The following LINGO2 variants were observed in gnomAD, a reference collection of about 807,000 sequenced individuals.
LINGO2 encodes leucine-rich repeat and immunoglobulin-like domain-containing nogo receptor-interacting protein 2.
Under a neutral mutation model 30.6 loss-of-function variants are expected in LINGO2, and 14 were observed. That is an observed-to-expected ratio of 0.46 (90% CI 0.30 to 0.72). LINGO2 has a LOEUF of 0.72. LINGO2 is among the 30% of genes least tolerant of loss of function. LINGO2 has a pLI of 0.07. For synonymous variants in LINGO2, 317 were observed against 288.5 expected (o/e 1.10, Z -1.00); for missense variants, 729 against 751.7 (o/e 0.97, Z 0.35).
At chr9:29,181,853 A>T in the LINGO2 span, among the ~76,000 whole-genome samples, 1 of 152,216 alleles carries the variant, frequency 6.6e-6, no homozygotes. Context: ...CATAGACAAC[A>T]AAAGAAAAAC....
intron 3 of LINGO2, among the ~76,000 whole-genome samples, chr9:28,325,159 A>G (rs890639275): frequency 6.7e-6 from 1 of 149,662 alleles, no homozygotes; most frequent in African/African-American, 2.4e-5. Context: ...TAAACTTTAG[A>G]CAGGTTTGTT....
intron 4 of LINGO2, among the ~76,000 whole-genome samples, chr9:28,016,543 T>A (rs946283370): frequency 6.6e-6 from 1 of 151,978 alleles, no homozygotes; most frequent in Non-Finnish European, 1.5e-5. Flanking sequence ...CCTAAGAGAC[T>A]ACTATGAACA....
At chr9:28,803,729 T>C in the LINGO2 span, among the ~76,000 whole-genome samples, 1 of 151,968 alleles carries the variant, frequency 6.6e-6, no homozygotes, top group Non-Finnish European at 1.5e-5. Flanking sequence ...ATAATAGCCA[T>C]GTAAAAATCA....
the LINGO2 span, among the ~76,000 whole-genome samples, chr9:28,815,763 G>A: frequency 2.0e-5 from 3 of 152,098 alleles, no homozygotes; most frequent in Non-Finnish European, 2.9e-5. Context: ...TATAAGACTT[G>A]TTTCTAAGTG....
At chr9:29,046,882 C>A in the LINGO2 span, among the ~76,000 whole-genome samples, 1 of 151,900 alleles carries the variant, frequency 6.6e-6, no homozygotes, top group African/African-American at 2.4e-5. Flanking sequence ...AGTTTGAGAC[C>A]AGCCTGGTCA....
intron 2 of LINGO2, among the ~76,000 whole-genome samples, chr9:28,409,885 A>G (rs62555172): frequency 0.38 from 35,565 of 93,216 alleles, 6,576 homozygotes; most frequent in Non-Finnish European, 0.52. Flanking sequence ...AGAGAGGGAG[A>G]AAGGCAGGGA....
At chr9:28,349,131 G>A (rs1024441020) in intron 3 of LINGO2, among the ~76,000 whole-genome samples, 18 of 152,174 alleles carry the variant, frequency 1.2e-4, no homozygotes, top group African/African-American at 3.4e-4. Flanking sequence ...CACTAGCAAC[G>A]GAACAAAGCT....
chr9:28,501,056 T>A (rs1004847159), intron 1 of LINGO2, among the ~76,000 whole-genome samples: 11 of 152,124 alleles, frequency 7.2e-5, no homozygotes, highest in African/African-American at 2.7e-4. Flanking sequence ...CTGCAGGTCC[T>A]TTCTGAAAAT....
At chr9:28,235,452 A>C (rs1821527799) in intron 4 of LINGO2, among the ~76,000 whole-genome samples, 1 of 152,164 alleles carries the variant, frequency 6.6e-6, no homozygotes, top group African/African-American at 2.4e-5. Flanking sequence ...ATCTATAAGC[A>C]TCAACACTAT....
the LINGO2 span, among the ~76,000 whole-genome samples, chr9:29,176,412 G>A: frequency 6.6e-6 from 1 of 152,142 alleles, no homozygotes; most frequent in African/African-American, 2.4e-5. Flanking sequence ...AAGGACATGT[G>A]TTTCCCTCCC....
intron 4 of LINGO2, among the ~76,000 whole-genome samples, chr9:28,246,078 G>A (rs1821987724): frequency 1.3e-5 from 2 of 152,070 alleles, no homozygotes; most frequent in Admixed American, 1.3e-4. Context: ...AAACACTATG[G>A]TACTGGTACC....
At chr9:28,709,458 C>G in the LINGO2 span, among the ~76,000 whole-genome samples, 2 of 151,956 alleles carry the variant, frequency 1.3e-5, no homozygotes, top group Admixed American at 1.3e-4. Context: ...TGTATGTTTA[C>G]TTTGGATGTA....
intron 3 of LINGO2, among the ~76,000 whole-genome samples, chr9:28,311,791 T>C (rs1239270862): frequency 6.6e-6 from 1 of 152,148 alleles, no homozygotes; most frequent in Non-Finnish European, 1.5e-5. Flanking sequence ...TGAGGCAACA[T>C]ACATCCCCCT....
the LINGO2 span, among the ~76,000 whole-genome samples, chr9:28,699,494 C>G: frequency 1.3e-5 from 2 of 151,958 alleles, no homozygotes; most frequent in African/African-American, 4.8e-5. Context: ...GTTAACTGTA[C>G]AAATTGATTG....
exon 6 of LINGO2, chr9:27,948,692 TG>T: frequency 1.2e-6 from 1 of 803,690 alleles, no homozygotes; most frequent in Non-Finnish European, 2.0e-6. Flanking sequence ...TGCCTTTCGA[TG>T]GAGAGTCTCC....
chr9:28,638,420 T>C (rs1827393570), intron 1 of LINGO2, among the ~76,000 whole-genome samples: 1 of 152,180 alleles, frequency 6.6e-6, no homozygotes. Context: ...GTACCTCTGG[T>C]AGAATTTCAC....
At chr9:28,285,385 G>A (rs939372767) in intron 4 of LINGO2, among the ~76,000 whole-genome samples, 19 of 144,844 alleles carry the variant, frequency 1.3e-4, no homozygotes, top group African/African-American at 4.8e-4. Context: ...GAGAGGACAC[G>A]TTGCCCAAGA....
At chr9:28,577,184 A>C (rs954015140) in intron 1 of LINGO2, among the ~76,000 whole-genome samples, 1 of 152,202 alleles carries the variant, frequency 6.6e-6, no homozygotes, top group East Asian at 1.9e-4. Flanking sequence ...AAAATGTAGG[A>C]GTATTTAAAT....
the LINGO2 span, among the ~76,000 whole-genome samples, chr9:28,843,434 A>G: frequency 4.0e-5 from 6 of 151,844 alleles, no homozygotes; most frequent in African/African-American, 1.5e-4. Flanking sequence ...CTTAATCCTA[A>G]GGTTACAGAA....
Sources: allele counts gnomAD v4.1 joint callset (sites outside exome capture counted in the v4.1 genomes callset), GRCh38; gene constraint gnomAD v4.1.1; transcripts MANE v1.5; gene names NCBI Gene and HGNC (gene_info 2026-07-23, HGNC 2026-07-21).